The following SDK1 variants were observed in gnomAD, a reference collection of about 807,000 sequenced individuals.
The protein encoded by SDK1 is protein sidekick-1.
SDK1 carries 157 observed loss-of-function variants against 245.5 expected under a neutral mutation model. The observed-to-expected ratio is 0.64, with a 90% CI of 0.56 to 0.73. SDK1 has a LOEUF of 0.73. SDK1 is among the 30% of genes least tolerant of loss of function. The pLI, the probability that SDK1 is intolerant of heterozygous loss-of-function variation, is 0.00. For synonymous variants in SDK1, 1,647 were observed against 1,278.5 expected, an observed-to-expected ratio of 1.29 and a Z score of -6.15; for missense variants, 3,583 against 3,002.3, an observed-to-expected ratio of 1.19 and a Z score of -4.52.
chr7:3,941,051 C>G lies in SDK1; in HGVS notation c.848-9872C>G, dbSNP rs954218400. On this transcript the variant is annotated intron_variant, in intron 5 of 44. Transcript: ENST00000404826. ...CTCCCTCCTGACCCACCAGCACTGC[C>G]ACTCCCAGACCCCCGTCTGTCTCCT... 2.0e-5 allele frequency among the ~76,000 whole-genome samples: 3 copies of G among 152,064 alleles called. No homozygotes were observed. The South Asian group carries it at 6.2e-4, about 32-fold the overall frequency.
Position 4,267,858 on chromosome 7 carries a change from C to T in SDK1, c.*2474C>T, listed in dbSNP as rs532371372. The T allele has an allele frequency of 1.5e-4, 143 of 985,574 alleles. 1 individual carries two copies. In the South Asian group the frequency reaches 3.2e-3, roughly 22 times the overall value. The allele number at this position is 985,574 out of a possible 1,614,324, so 61.1% of individuals were successfully genotyped here. A position where few individuals can be genotyped will look rare whatever the true frequency, so the allele number is the denominator to read the frequency against. ...TGCTGCTGGACTGTGCTTAGGACAG[C>T]GCCCATGCCTCGGAGGGACTCTGTC... On this transcript the variant is annotated 3_prime_UTR_variant, in exon 45 of 45. Transcript: ENST00000404826.
chr7:3,733,766 GC>G (rs1376059137), intron 4 of SDK1, among the ~76,000 whole-genome samples: 2 of 152,080 alleles, frequency 1.3e-5, no homozygotes, highest in African/African-American at 4.8e-5. Flanking sequence ...TGTACTTAAG[GC>G]CTGTTGCTTC....
intron 44 of SDK1, among the ~76,000 whole-genome samples, chr7:4,256,079 C>T (rs1387472181): frequency 6.6e-6 from 1 of 151,974 alleles, no homozygotes; most frequent in Admixed American, 6.6e-5. Context: ...GCCACCACAC[C>T]CAGCTAATTT....
intron 1 of SDK1, among the ~76,000 whole-genome samples, chr7:3,395,409 A>G (rs1308662279): frequency 6.6e-6 from 1 of 151,650 alleles, no homozygotes; most frequent in East Asian, 1.9e-4. Context: ...TTTGTGAGAG[A>G]TACTGGTTTG....
At chr7:4,030,649 G>A (rs544618618) in intron 17 of SDK1, among the ~76,000 whole-genome samples, 29 of 152,302 alleles carry the variant, frequency 1.9e-4, no homozygotes, top group African/African-American at 4.8e-4. Context: ...AGAAGCGTTC[G>A]GCACCAACAT....
chr7:3,722,352 A>G (rs1198899292), intron 4 of SDK1, among the ~76,000 whole-genome samples: 3 of 151,954 alleles, frequency 2.0e-5, no homozygotes, highest in Non-Finnish European at 4.4e-5. Flanking sequence ...AATCAGAACA[A>G]TCTCTCTCCC....
At chr7:3,624,764 G>C (rs995334258) in intron 2 of SDK1, among the ~76,000 whole-genome samples, 1 of 151,998 alleles carries the variant, frequency 6.6e-6, no homozygotes, top group Admixed American at 6.6e-5. Context: ...ATATGATCAA[G>C]GCCAGGCATG....
rs78337448 is a variant in SDK1, at chr7:3,505,263, C to A, written c.299-113817C>A. Among the ~76,000 whole-genome samples, 890 of 152,106 alleles carry A rather than the reference C, an allele frequency of 5.9e-3. 14 individuals carry two copies. The highest frequency in any genetic ancestry group is 0.02 in the African/African-American group (842 of 41,492). On this transcript the variant is annotated intron_variant, in intron 1 of 44. Transcript: ENST00000404826. ...CATCTGTAATTTATTGTTCAACTGACTGAGACTGGGTTTCACTCTGTCACC... is the reference window on the plus strand; with the variant it reads ...CATCTGTAATTTATTGTTCAACTGAATGAGACTGGGTTTCACTCTGTCACC...
At chr7:4,136,505 C>T (rs990610916) in intron 28 of SDK1, among the ~76,000 whole-genome samples, 2 of 152,324 alleles carry the variant, frequency 1.3e-5, no homozygotes, top group East Asian at 1.9e-4. Flanking sequence ...AGATTAACAG[C>T]GTGAACCACA....
intron 5 of SDK1, among the ~76,000 whole-genome samples, chr7:3,923,494 G>A (rs1779663782): frequency 1.3e-5 from 2 of 152,186 alleles, no homozygotes; most frequent in Admixed American, 1.3e-4. Flanking sequence ...GTGCTCAAGA[G>A]GTTCTCTCAA....
intron 4 of SDK1, among the ~76,000 whole-genome samples, chr7:3,720,097 A>C (rs1411681489): frequency 6.6e-6 from 1 of 152,152 alleles, no homozygotes; most frequent in African/African-American, 2.4e-5. Context: ...ATCTTATCAC[A>C]ATTAAAAACT....
chr7:3,778,205 T>C (rs1419275134), intron 4 of SDK1, among the ~76,000 whole-genome samples: 2 of 152,176 alleles, frequency 1.3e-5, no homozygotes, highest in Non-Finnish European at 2.9e-5. Context: ...GTTTTCCTTA[T>C]TAAGAAAGAA....
intron 44 of SDK1, among the ~76,000 whole-genome samples, chr7:4,252,035 A>C (rs1006524670): frequency 2.0e-5 from 3 of 152,212 alleles, no homozygotes; most frequent in African/African-American, 2.4e-5. Context: ...ATAAATGCCC[A>C]TTGTTCATAG....
At chr7:3,992,604 C>T (rs967167111) in intron 14 of SDK1, among the ~76,000 whole-genome samples, 1 of 152,200 alleles carries the variant, frequency 6.6e-6, no homozygotes, top group Non-Finnish European at 1.5e-5. Flanking sequence ...ATTTGGCCCA[C>T]TCTCTAAAAT....
chr7:3,556,630 G>T (rs1488524423), intron 1 of SDK1, among the ~76,000 whole-genome samples: 2 of 151,814 alleles, frequency 1.3e-5, no homozygotes, highest in East Asian at 3.9e-4. Flanking sequence ...AGACCAGTCT[G>T]GCGAACCTGG....
intron 5 of SDK1, among the ~76,000 whole-genome samples, chr7:3,936,022 A>G (rs1415076225): frequency 6.6e-6 from 1 of 152,268 alleles, no homozygotes; most frequent in Non-Finnish European, 1.5e-5. Context: ...GATAAACTCA[A>G]TAGAGTCCAC....
chr7:3,520,486 C>T (rs2128614377), intron 1 of SDK1, among the ~76,000 whole-genome samples: 1 of 152,242 alleles, frequency 6.6e-6, no homozygotes, highest in African/African-American at 2.4e-5. Flanking sequence ...ACCCTGAATC[C>T]TGTTAAAGAA....
At chr7:4,258,796 G>A (rs1342824526) in intron 44 of SDK1, among the ~76,000 whole-genome samples, 1 of 152,114 alleles carries the variant, frequency 6.6e-6, no homozygotes, top group Non-Finnish European at 1.5e-5. Context: ...GTCAAAAGAG[G>A]GTGAAAGTCT....
intron 1 of SDK1, among the ~76,000 whole-genome samples, chr7:3,493,714 C>T (rs146773978): frequency 9.8e-5 from 15 of 152,322 alleles, no homozygotes; most frequent in Non-Finnish European, 1.6e-4. Flanking sequence ...AAGAATTATT[C>T]TTGTGTTAAC....
Sources: gnomAD v4.1 joint callset for allele counts (sites outside exome capture counted in the v4.1 genomes callset) on GRCh38, gnomAD v4.1.1 for gene constraint, MANE v1.5 for transcripts, NCBI Gene and HGNC (gene_info 2026-07-23, HGNC 2026-07-21) for gene names.